Variants in ZNF682 observed in about 807,000 individuals in gnomAD.
ZNF682 encodes the protein zinc finger protein 682.
In ZNF682, 29 loss-of-function variants were observed where a neutral mutation model predicts 36.5. That is an observed-to-expected ratio of 0.80 (90% CI 0.59 to 1.08). The LOEUF is 1.08. ZNF682 is among the 50% of genes least tolerant of loss of function. The pLI, the probability that ZNF682 is intolerant of heterozygous loss-of-function variation, is 0.00. For synonymous variants in ZNF682, 180 were observed against 197.0 expected, an observed-to-expected ratio of 0.91 and a Z score of 0.72; for missense variants, 561 against 579.7, an observed-to-expected ratio of 0.97 and a Z score of 0.33.
intron 1 of ZNF682, among the ~76,000 whole-genome samples, chr19:20,025,669 T>A (rs1400642397): frequency 1.4e-5 from 2 of 146,158 alleles, no homozygotes; most frequent in Non-Finnish European, 3.0e-5. Context: ...AGTGCGAGAC[T>A]CCATCTCAAA....
chr19:20,013,921 T>C (rs1245439297), intron 3 of ZNF682, among the ~76,000 whole-genome samples: 2 of 152,130 alleles, frequency 1.3e-5, no homozygotes, highest in East Asian at 3.9e-4. Flanking sequence ...ACTATTATTA[T>C]GACCAAAATG....
At chr19:20,031,980 T>C (rs1353316900) in intron 1 of ZNF682, among the ~76,000 whole-genome samples, 2 of 152,248 alleles carry the variant, frequency 1.3e-5, no homozygotes, top group Admixed American at 1.3e-4. Context: ...AGGTGTGGGC[T>C]ATAGTGTCCT....
At chr19:20,012,575 G>A (rs945682378) in intron 3 of ZNF682, among the ~76,000 whole-genome samples, 7 of 152,014 alleles carry the variant, frequency 4.6e-5, no homozygotes, top group South Asian at 2.1e-4. Context: ...AGACCATCCT[G>A]GCTAACACGG....
At chr19:20,036,725 G>C (rs1031691348) in intron 1 of ZNF682, among the ~76,000 whole-genome samples, 4 of 145,518 alleles carry the variant, frequency 2.7e-5, no homozygotes, top group African/African-American at 5.1e-5. Context: ...CCAGCATTTT[G>C]GAAGGCCAAG....
chr19:20,017,563 A>G (rs10405773), intron 3 of ZNF682, among the ~76,000 whole-genome samples: 9,032 of 152,216 alleles, frequency 0.059, 722 homozygotes, highest in African/African-American at 0.18. Context: ...AATATATAAA[A>G]CAAATATTGA....
chr19:20,011,708 TA>T (rs2088289823), intron 3 of ZNF682, among the ~76,000 whole-genome samples: 1 of 152,096 alleles, frequency 6.6e-6, no homozygotes, highest in Non-Finnish European at 1.5e-5. Context: ...ACAATGAAAT[TA>T]AGGCAGAAAT....
In ZNF682 at chr19:20,008,092, C is replaced by A. The variant is rs576309603; in HGVS notation, c.227-817G>T. 223 of 152,456 alleles carry A rather than the reference C, an allele frequency of 1.5e-3. 1 individual carries two copies. The highest frequency in any genetic ancestry group is 5.2e-3 in the African/African-American group (216 of 41,598). 9.4% of individuals were successfully genotyped at this position (152,456 alleles called of 1,614,324 possible). A position where few individuals can be genotyped will look rare whatever the true frequency, so the allele number is the denominator to read the frequency against. On this transcript the variant is annotated intron_variant, in intron 3 of 3. Coordinates refer to ENST00000397165, the MANE Select transcript of ZNF682 (RefSeq NM_033196.3). ...GACAAATCCATGGGCCCAGTGCCAA[C>A]TGCCCAGGTCTTCAGCACACTGCCT...
chr19:19,999,476 G>A (rs1029372463), downstream of ZNF682, among the ~76,000 whole-genome samples: 2 of 152,146 alleles, frequency 1.3e-5, no homozygotes, highest in African/African-American at 4.8e-5. Context: ...TGAAGCCTGT[G>A]AATAATAAGC....
intron 1 of ZNF682, among the ~76,000 whole-genome samples, chr19:20,038,087 G>T (rs937412520): frequency 2.0e-5 from 3 of 152,196 alleles, no homozygotes; most frequent in Non-Finnish European, 2.9e-5. Flanking sequence ...AATAACACAG[G>T]GTGGCTGAGG....
Position 20,005,486 on chromosome 19 carries a change from TTACC to T in ZNF682, c.*515_*518del, listed in dbSNP as rs1193335071. ...TAAAATTTGAGCAACTGTTAGAGGG[TTACC>T]TTTCAGTATAAATTCTCCTATGTAC... is the stretch of plus-strand genomic sequence containing the variant. On this transcript the variant is annotated 3_prime_UTR_variant, in exon 4 of 4. Transcript: ENST00000397165. 6.5e-6 allele frequency: 1 copy of T among 153,002 alleles called. No homozygotes were observed. The highest frequency in any genetic ancestry group is 1.5e-5 in the Non-Finnish European group (1 of 68,636). The allele number at this position is 153,002 out of a possible 1,614,324, so 9.5% of individuals were successfully genotyped here. A position where few individuals can be genotyped will look rare whatever the true frequency, so the allele number is the denominator to read the frequency against.
rs771746952 is a variant in ZNF682 at position 20,006,709 on chromosome 19, C to T, written c.793G>A (p.Ala265Thr). 3 of 1,613,934 alleles carry T rather than the reference C, an allele frequency of 1.9e-6. No homozygotes were observed. In the Admixed American group the frequency reaches 5.0e-5, roughly 27 times the overall value. Residue 265 changes from alanine (A) to threonine (T), a missense_variant, in exon 4 of 4, where the codon GCC (alanine) becomes ACC (threonine). Ala to Thr is a moderately conservative substitution (Grantham distance 58). Coordinates refer to ENST00000397165, the MANE Select transcript of ZNF682 (RefSeq NM_033196.3). ...KPYKCEECGK[A>T]FHWCSPFVRH... ...ACAAAGGGTGAACACCAGTGAAAGGCTTTTCCACATTCTTCACATTTGTAG... is the reference window on the plus strand; with the variant it reads ...ACAAAGGGTGAACACCAGTGAAAGGTTTTTCCACATTCTTCACATTTGTAG...
intron 3 of ZNF682, among the ~76,000 whole-genome samples, chr19:20,009,547 C>T (rs1317462297): frequency 1.3e-5 from 2 of 152,108 alleles, no homozygotes; most frequent in African/African-American, 4.8e-5. Flanking sequence ...AGATACTATA[C>T]AAGACAACCA....
chr19:20,007,452 C>T (rs2088238168), intron 3 of ZNF682, 177 bp from the exon 4 acceptor site: 1 of 565,154 alleles, frequency 1.8e-6, no homozygotes, highest in East Asian at 3.0e-5. Flanking sequence ...ATACTTTAAA[C>T]AGATCTTTTG....
At chr19:20,039,315 CT>C in intron 1 of ZNF682, 27 bp downstream of exon 1, 7 of 1,611,744 alleles carry the variant, frequency 4.3e-6, no homozygotes, top group Non-Finnish European at 4.2e-6. Flanking sequence ...CTGCCCCCAC[CT>C]CGGGATGCGC....
intron 1 of ZNF682, among the ~76,000 whole-genome samples, chr19:20,035,380 C>G (rs981379879): frequency 1.2e-4 from 18 of 151,954 alleles, no homozygotes; most frequent in African/African-American, 4.1e-4. Flanking sequence ...CGCCCACCAC[C>G]ACGCCAAGCA....
At position 20,006,564 on chromosome 19, in the gene ZNF682, T is replaced by C; in HGVS notation, c.938A>G (p.Tyr313Cys). Reference protein sequence around the residue: ...HKTIHTGKKPYKCKECGKAFN... With the variant: ...HKTIHTGKKPCKCKECGKAFN... ...GGCTTTCCCACATTCTTTACATTTG[T>C]AGGGTTTCTTTCCAGTGTGAATTGT... The change falls in exon 4 of 4, where the codon TAC becomes TGC. Residue 313 changes from tyrosine to cysteine, a missense_variant. Transcript: ENST00000397165. 7 of 1,614,104 alleles carry C rather than the reference T, an allele frequency of 4.3e-6. No individual in the cohort carries two copies. Among genetic ancestry groups the C allele is most frequent in the Non-Finnish European group, 5.1e-6 (6 of 1,179,998 alleles).
At chr19:19,995,243 G>T (rs1176249164), downstream of ZNF682, among the ~76,000 whole-genome samples, 1 of 152,148 alleles carries the variant, frequency 6.6e-6, no homozygotes, top group Non-Finnish European at 1.5e-5. Flanking sequence ...TAAGCAAATT[G>T]CAATGGGAAG....
chr19:20,006,606 T>C lies in ZNF682; in HGVS notation c.896A>G (p.His299Arg), dbSNP rs745785664. The C allele has an allele frequency of 1.9e-6, 3 of 1,614,194 alleles. No individual in the cohort carries two copies. Among genetic ancestry groups the C allele is most frequent in the East Asian group, 2.2e-5 (1 of 44,876 alleles). The change falls in exon 4 of 4, where the codon CAT (histidine) becomes CGT (arginine). Residue 299 changes from histidine to arginine, a missense_variant. By Grantham distance (29) the His-to-Arg change is conservative. Coordinates refer to ENST00000397165, the MANE Select transcript of ZNF682 (RefSeq NM_033196.3). The stretch of plus-strand genomic sequence containing the variant: ...GTGAATTGTCTTATGTTTGGTGAGA[T>C]GTGAGTGCCGGTTAAACGCTCTGCC... The part of the protein sequence containing the change: ...DCGRAFNRHS[H>R]LTKHKTIHTG...
At chr19:20,026,704 G>A (rs915835455) in intron 1 of ZNF682, among the ~76,000 whole-genome samples, 2 of 152,150 alleles carry the variant, frequency 1.3e-5, no homozygotes, top group African/African-American at 4.8e-5. Context: ...GGCCTCAAGC[G>A]ATCCTCCTGC....
Sources: allele counts gnomAD v4.1 joint callset (sites outside exome capture counted in the v4.1 genomes callset), GRCh38; gene constraint gnomAD v4.1.1; transcripts MANE v1.5; gene names NCBI Gene and HGNC (gene_info 2026-07-23, HGNC 2026-07-21).